The following SHANK2 variants were observed in gnomAD, a reference collection of about 807,000 sequenced individuals.
The protein encoded by SHANK2 is SH3 and multiple ankyrin repeat domains protein 2.
In SHANK2, 43 loss-of-function variants were observed where a neutral mutation model predicts 133.7. That is an observed-to-expected ratio of 0.32 (90% CI 0.25 to 0.41). The LOEUF is 0.41. Among genes scored for constraint, SHANK2 ranks in the 10% least tolerant of loss-of-function variants. The pLI, the probability that SHANK2 is intolerant of heterozygous loss-of-function variation, is 1.00. For missense variants in SHANK2, 1,994 were observed against 2,235.8 expected (o/e 0.89, Z 2.18); for synonymous variants, 1,017 against 952.8 (o/e 1.07, Z -1.24).
rs568901230 is a variant in SHANK2, at chr11:70,576,520, C to T, written c.2062-73589G>A. 7.2e-3 allele frequency among the ~76,000 whole-genome samples: 1,090 copies of T among 152,292 alleles called. 13 individuals are homozygous for T. The highest frequency in any genetic ancestry group is 0.013 in the Non-Finnish European group (880 of 68,020). On this transcript the variant is annotated intron_variant, in intron 17 of 25. Coordinates refer to ENST00000601538, the MANE Select transcript of SHANK2 (RefSeq NM_012309.5). ...GGCGTGGTGGTGGGTGCCTGCAGTCCCAGCTACTGGGGAGGCTGAGGCAGG... is the reference window on the plus strand; with the variant it reads ...GGCGTGGTGGTGGGTGCCTGCAGTCTCAGCTACTGGGGAGGCTGAGGCAGG...
chr11:70,521,300 C>T (rs2059327264), intron 17 of SHANK2, among the ~76,000 whole-genome samples: 1 of 152,206 alleles, frequency 6.6e-6, no homozygotes, highest in Non-Finnish European at 1.5e-5. Flanking sequence ...AATGTCATTA[C>T]TCATAACAGG....
At chr11:70,769,439 G>T (rs1017486621) in intron 14 of SHANK2, among the ~76,000 whole-genome samples, 2 of 152,192 alleles carry the variant, frequency 1.3e-5, no homozygotes, top group African/African-American at 4.8e-5. Flanking sequence ...CGCCACTGGG[G>T]TTTTCTATCT....
At chr11:70,771,848 C>A (rs1171456138) in intron 14 of SHANK2, among the ~76,000 whole-genome samples, 1 of 152,190 alleles carries the variant, frequency 6.6e-6, no homozygotes, top group Non-Finnish European at 1.5e-5. Flanking sequence ...TGCCAGGACT[C>A]CAGAATCTGC....
chr11:70,869,967 C>G (rs1442858418), intron 11 of SHANK2, among the ~76,000 whole-genome samples: 1 of 152,152 alleles, frequency 6.6e-6, no homozygotes, highest in Non-Finnish European at 1.5e-5. Flanking sequence ...ACAAGAGTGT[C>G]CCCCCAAATC....
At chr11:70,946,212 CA>C (rs1950729354) in intron 10 of SHANK2, among the ~76,000 whole-genome samples, 1 of 147,274 alleles carries the variant, frequency 6.8e-6, no homozygotes, top group African/African-American at 2.5e-5. Flanking sequence ...CTCCGCTAAC[CA>C]ACTCTTCCCC....
At chr11:70,786,203 C>T (rs1005753695) in intron 14 of SHANK2, among the ~76,000 whole-genome samples, 5 of 152,228 alleles carry the variant, frequency 3.3e-5, no homozygotes, top group Non-Finnish European at 7.3e-5. Context: ...TCCTTTGCTT[C>T]TGTGCCTTTC....
In SHANK2 at chr11:70,569,563, T is replaced by G. The variant is rs1405774182; in HGVS notation, c.2062-66632A>C. Reference sequence around the variant, plus strand: ...TACCTCTGCTGGTGCCGCAGCCCTCTCCTTTCTGTGGCCCCTCCCCACGTG... The same window carrying G: ...TACCTCTGCTGGTGCCGCAGCCCTCGCCTTTCTGTGGCCCCTCCCCACGTG... On this transcript the variant is annotated intron_variant, in intron 17 of 25. Coordinates refer to ENST00000601538, the MANE Select transcript of SHANK2 (RefSeq NM_012309.5). This position sits in a 1 kb window ranked among gnomAD's most constrained non-coding sequence, Gnocchi z 5.1. Among the ~76,000 whole-genome samples, 1 of 152,098 alleles carries G rather than the reference T, an allele frequency of 6.6e-6. No individual in the cohort carries two copies. Among genetic ancestry groups the G allele is most frequent in the Admixed American group, 6.5e-5 (1 of 15,280 alleles).
chr11:70,943,307 G>A (rs1436159741), intron 10 of SHANK2, among the ~76,000 whole-genome samples: 1 of 152,178 alleles, frequency 6.6e-6, no homozygotes, highest in Non-Finnish European at 1.5e-5. Flanking sequence ...CAAAGAAAGT[G>A]TGGCCGTGCT....
Position 70,473,510 on chromosome 11 carries a change from C to A in SHANK2, c.4980-71G>T. On this transcript the variant is annotated intron_variant, in intron 25 of 25. Coordinates refer to ENST00000601538, the MANE Select transcript of SHANK2 (RefSeq NM_012309.5). This position sits in a 1 kb window ranked among gnomAD's most constrained non-coding sequence, Gnocchi z 5.9. Reference sequence around the variant, plus strand: ...GTCAGGGCAGCTGGCTGCAGATCACCCAGGAAGGCGAGGGAGACGCCCAAA... The same window carrying A: ...GTCAGGGCAGCTGGCTGCAGATCACACAGGAAGGCGAGGGAGACGCCCAAA... 6.6e-7 allele frequency: 1 copy of A among 1,510,998 alleles called. No individual in the cohort carries two copies. Among genetic ancestry groups the A allele is most frequent in the Admixed American group, 1.7e-5 (1 of 58,388 alleles). The allele number at this position is 1,510,998 out of a possible 1,614,324, so 93.6% of individuals were successfully genotyped here. A position where few individuals can be genotyped will look rare whatever the true frequency, so the allele number is the denominator to read the frequency against.
At chr11:71,165,731 G>C (rs1161990087) in intron 2 of SHANK2, among the ~76,000 whole-genome samples, 1 of 152,182 alleles carries the variant, frequency 6.6e-6, no homozygotes, top group Non-Finnish European at 1.5e-5. Flanking sequence ...CAGGGGCTCA[G>C]CCAAGGTTGA....
intron 17 of SHANK2, among the ~76,000 whole-genome samples, chr11:70,511,670 C>T (rs988001155): frequency 1.3e-5 from 2 of 151,968 alleles, no homozygotes; most frequent in African/African-American, 4.8e-5. Context: ...CAGATAACTC[C>T]AAAAAAAGAG....
At chr11:70,729,195 T>TA (rs34711436) in intron 14 of SHANK2, among the ~76,000 whole-genome samples, 67,237 of 144,412 alleles carry the variant, frequency 0.47, 16,031 homozygotes, top group African/African-American at 0.59. Context: ...AGAATTCATC[T>TA]AAAAAAAAAT....
chr11:70,826,663 G>A, intron 11 of SHANK2: 1 of 388,416 alleles, frequency 2.6e-6, no homozygotes. Flanking sequence ...AGCTGGGCAT[G>A]CCAGACCCAG....
intron 2 of SHANK2, among the ~76,000 whole-genome samples, chr11:71,179,671 C>T (rs782304873): frequency 6.6e-6 from 1 of 152,122 alleles, no homozygotes. Flanking sequence ...ACATGATTGT[C>T]CCCATAGAAA....
chr11:70,831,514 CT>C (rs1948725025), intron 11 of SHANK2, among the ~76,000 whole-genome samples: 2 of 152,210 alleles, frequency 1.3e-5, no homozygotes, highest in Non-Finnish European at 2.9e-5. Flanking sequence ...GCCTCCCTCC[CT>C]GCAGCCCCTG....
chr11:70,599,055 G>A (rs2060440961), intron 17 of SHANK2, among the ~76,000 whole-genome samples: 1 of 149,972 alleles, frequency 6.7e-6, no homozygotes. Flanking sequence ...GTCCTAGCTA[G>A]CGGAGAAAAA....
chr11:70,581,711 T>G (rs1285327152), intron 17 of SHANK2, among the ~76,000 whole-genome samples: 1 of 151,922 alleles, frequency 6.6e-6, no homozygotes, highest in Non-Finnish European at 1.5e-5. Context: ...AATCAATCAA[T>G]CAAGCTAGCT....
At chr11:70,734,260 T>A (rs782105647) in intron 14 of SHANK2, among the ~76,000 whole-genome samples, 4 of 152,194 alleles carry the variant, frequency 2.6e-5, no homozygotes, top group Non-Finnish European at 5.9e-5. Context: ...ATGTTTTAAC[T>A]GGGTTGTTCG....
chr11:71,098,832 C>T (rs1188344029), intron 6 of SHANK2, among the ~76,000 whole-genome samples: 1 of 152,106 alleles, frequency 6.6e-6, no homozygotes, highest in African/African-American at 2.4e-5. Flanking sequence ...CCGCACCACC[C>T]CCCACCCCGA....
Sources: allele counts gnomAD v4.1 joint callset (sites outside exome capture counted in the v4.1 genomes callset), GRCh38; gene constraint gnomAD v4.1.1; non-coding constraint Gnocchi (gnomAD v3.1); transcripts MANE v1.5; gene names NCBI Gene and HGNC (gene_info 2026-07-23, HGNC 2026-07-21).